MARCHF8: variants seen among roughly 807,000 people sequenced by gnomAD.
MARCHF8 encodes the protein membrane associated ring-CH-type finger 8.
MARCHF8 carries 40 observed loss-of-function variants against 51.6 expected under a neutral mutation model. The ratio of observed to expected loss-of-function variants is 0.77; its 90% CI spans 0.60 to 1.01. The LOEUF (loss-of-function observed/expected upper bound fraction) is 1.01. MARCHF8 is among the 50% of genes least tolerant of loss of function. MARCHF8 has a pLI of 0.00. For missense variants in MARCHF8, 685 were observed against 708.6 expected (o/e 0.97, Z 0.38); for synonymous variants, 263 against 280.3 (o/e 0.94, Z 0.62).
At chr10:45,530,858 C>T (rs2043868606) in intron 2 of MARCHF8, among the ~76,000 whole-genome samples, 1 of 152,098 alleles carries the variant, frequency 6.6e-6, no homozygotes, top group South Asian at 2.1e-4. Flanking sequence ...GTCACACATG[C>T]CAACAATGAC....
In MARCHF8 at chr10:45,463,427, G is replaced by A; in HGVS notation, c.812C>T (p.Ala271Val). Reference sequence around the variant, plus strand: ...CTCATGGAACCTGTGCAGGCTGCTGGCGCTCAAGCCGTGCGAGAGTGAGAA... The same window carrying A: ...CTCATGGAACCTGTGCAGGCTGCTGACGCTCAAGCCGTGCGAGAGTGAGAA... ...YLFSLSHGLS[A>V]SSLHRFHELE... Residue 271 changes from alanine to valine, a missense_variant, in exon 5 of 8, where the codon GCC (alanine) becomes GTC (valine). Physicochemically the swap from Ala to Val is moderately conservative, Grantham distance 64. Transcript: ENST00000453424. The A allele has an allele frequency of 6.4e-7, 1 of 1,550,632 alleles. No homozygotes were observed. The highest frequency in any genetic ancestry group is 8.7e-7 in the Non-Finnish European group (1 of 1,147,016).
At chr10:45,542,952 AC>A in intron 1 of MARCHF8, among the ~76,000 whole-genome samples, 1 of 152,288 alleles carries the variant, frequency 6.6e-6, no homozygotes, top group South Asian at 2.1e-4. Context: ...TTCATATCCC[AC>A]TACTGTCCCA....
chr10:45,541,314 G>T (rs530095359), intron 1 of MARCHF8, among the ~76,000 whole-genome samples: 2 of 152,102 alleles, frequency 1.3e-5, no homozygotes, highest in Non-Finnish European at 2.9e-5. Flanking sequence ...GCAAACTATT[G>T]CAAGGACAAA....
intron 3 of MARCHF8, among the ~76,000 whole-genome samples, chr10:45,488,295 G>A (rs1472414689): frequency 6.6e-6 from 1 of 152,102 alleles, no homozygotes; most frequent in Non-Finnish European, 1.5e-5. Flanking sequence ...GACAACTTTT[G>A]CCTTCCTGCT....
chr10:45,523,963 T>C lies in MARCHF8; in HGVS notation c.102+9147A>G, dbSNP rs115374293. Among the ~76,000 whole-genome samples the C allele has an allele frequency of 6.8e-3, 1,036 of 152,302 alleles. 10 individuals carry two copies. The highest frequency in any genetic ancestry group is 0.024 in the African/African-American group (987 of 41,574). ...CCAGTTCTCAAGTTTTACGTGAGAA[T>C]TGGCTGATATAGGTAAGCTGCTAAT... On this transcript the variant is annotated intron_variant, in intron 2 of 7. Transcript: ENST00000453424.
chr10:45,533,401 G>A (rs1166434921), intron 1 of MARCHF8, 112 bp from the exon 2 acceptor site: 9 of 574,156 alleles, frequency 1.6e-5, no homozygotes, highest in Middle Eastern at 4.5e-4. Flanking sequence ...AATAAGTTAC[G>A]GCAACATAAA....
At chr10:45,464,105 C>T (rs1564465132) in intron 4 of MARCHF8, 109 bp from the exon 5 acceptor site, 1 of 1,522,312 alleles carries the variant, frequency 6.6e-7, no homozygotes, top group East Asian at 2.3e-5. Flanking sequence ...GGTGAGCAAA[C>T]CACACATAAA....
In MARCHF8 at chr10:45,461,295, G is replaced by T; in HGVS notation, c.1205C>A (p.Thr402Lys). The change falls in exon 6 of 8, where the codon ACG (threonine) becomes AAG (lysine). Residue 402 changes from threonine (T) to lysine (K), a missense_variant. Transcript: ENST00000453424. ...CLQQWIKSSD[T>K]RCCELCKYEF... ...ATACTTGCAGAGCTCGCAGCAGCGC[G>T]TGTCGGAGCTCTTGATCCACTGCTG... 1 of 1,604,244 alleles carries T rather than the reference G, an allele frequency of 6.2e-7. No individual in the cohort carries two copies. Among genetic ancestry groups the T allele is most frequent in the Non-Finnish European group, 8.5e-7 (1 of 1,175,834 alleles).
chr10:45,492,072 CTTTTA>C (rs2043090591), intron 2 of MARCHF8, among the ~76,000 whole-genome samples: 1 of 152,154 alleles, frequency 6.6e-6, no homozygotes, highest in Non-Finnish European at 1.5e-5. Flanking sequence ...ATAATGCAAG[CTTTTA>C]TTTTGTTTTC....
chr10:45,465,285 T>C (rs1235112985), intron 3 of MARCHF8, among the ~76,000 whole-genome samples: 3 of 152,158 alleles, frequency 2.0e-5, no homozygotes. Context: ...ATCTGCTCCA[T>C]GCAACCCCAA....
chr10:45,530,147 A>AG, intron 2 of MARCHF8, among the ~76,000 whole-genome samples: 1 of 152,338 alleles, frequency 6.6e-6, no homozygotes, highest in South Asian at 2.1e-4. Flanking sequence ...ATAGAACTGG[A>AG]GGTAACTATC....
chr10:45,544,522 A>T (rs578096204), intron 1 of MARCHF8, among the ~76,000 whole-genome samples: 7 of 152,352 alleles, frequency 4.6e-5, no homozygotes, highest in Non-Finnish European at 1.0e-4. Flanking sequence ...TATACAATGA[A>T]ATTCTATTCA....
In MARCHF8 at chr10:45,458,466, C is replaced by G; in HGVS notation, c.1495G>C (p.Val499Leu). Residue 499 changes from valine to leucine, a missense_variant, in exon 8 of 8, where the codon GTT becomes CTT. Coordinates refer to ENST00000453424, the MANE Select transcript of MARCHF8 (RefSeq NM_001282866.2). Reference protein sequence around the residue: ...GFTGGLLFMYVQCKVYVQLWK... With the variant: ...GFTGGLLFMYLQCKVYVQLWK... ...AATTGCACATACACTTTACACTGAA[C>G]ATACATAAAAAGAAGTCCTCCGGTG... 1 of 1,613,784 alleles carries G rather than the reference C, an allele frequency of 6.2e-7. No homozygotes were observed. The highest frequency in any genetic ancestry group is 8.5e-7 in the Non-Finnish European group (1 of 1,179,908).
At chr10:45,553,333 T>C (rs1295522882) in intron 1 of MARCHF8, 1 of 152,192 alleles carries the variant, frequency 6.6e-6, no homozygotes, top group Non-Finnish European at 1.5e-5. Flanking sequence ...TCTATAAATG[T>C]GGTTTTTACA....
chr10:45,470,239 C>T (rs1843125577), intron 3 of MARCHF8, among the ~76,000 whole-genome samples: 1 of 152,178 alleles, frequency 6.6e-6, no homozygotes, highest in Non-Finnish European at 1.5e-5. Flanking sequence ...GGTCAGTCTC[C>T]CTCCTTCCTG....
At chr10:45,492,447 A>G (rs2043100170) in intron 2 of MARCHF8, among the ~76,000 whole-genome samples, 1 of 151,868 alleles carries the variant, frequency 6.6e-6, no homozygotes, top group African/African-American at 2.4e-5. Flanking sequence ...ACAGGCGCCC[A>G]CCACCATGTC....
intron 2 of MARCHF8, among the ~76,000 whole-genome samples, chr10:45,494,874 AC>A (rs2043144061): frequency 3.9e-5 from 6 of 152,194 alleles, no homozygotes; most frequent in Non-Finnish European, 8.8e-5. Flanking sequence ...TAATCCCAGC[AC>A]TTGGGAGGCC....
chr10:45,495,741 A>AGGAGGGGAGG (rs1278290916), intron 2 of MARCHF8, among the ~76,000 whole-genome samples: 1 of 56,714 alleles, frequency 1.8e-5, no homozygotes, highest in African/African-American at 7.2e-5. Flanking sequence ...TTAATTTGTT[A>AGGAGGGGAGG]GGAGGGGAGG....
At chr10:45,510,482 TA>T (rs761000054) in intron 2 of MARCHF8, among the ~76,000 whole-genome samples, 2 of 152,180 alleles carry the variant, frequency 1.3e-5, no homozygotes, top group Non-Finnish European at 2.9e-5. Context: ...ATTTAGTACA[TA>T]TTTTAGTCAC....
Sources: allele counts gnomAD v4.1 joint callset (sites outside exome capture counted in the v4.1 genomes callset), GRCh38; gene constraint gnomAD v4.1.1; transcripts MANE v1.5; gene names NCBI Gene and HGNC (gene_info 2026-07-23, HGNC 2026-07-21).